MEAK7: variants seen among roughly 807,000 people sequenced by gnomAD.
MEAK7 encodes MTOR associated protein MEAK7, also known as MTOR-associated protein MEAK7.
In MEAK7, 68 loss-of-function variants were observed where a neutral mutation model predicts 40.5. The ratio of observed to expected loss-of-function variants is 1.68; its 90% CI spans 1.38 to 2.06. MEAK7 has a LOEUF of 2.06. Ranked by LOEUF, MEAK7 falls within the 30% of genes most tolerant of loss-of-function variation. The probability of loss-of-function intolerance (pLI) is 0.00; values close to 1 mark genes in which losing one functional copy is unlikely to be tolerated. For missense variants in MEAK7, 918 were observed against 580.5 expected (o/e 1.58, Z -5.98); for synonymous variants, 338 against 231.9 (o/e 1.46, Z -4.16).
chr16:84,492,885 A>T (rs1011312749), intron 3 of MEAK7, among the ~76,000 whole-genome samples: 7 of 152,216 alleles, frequency 4.6e-5, no homozygotes, highest in African/African-American at 1.7e-4. Flanking sequence ...CCCAGCCTAT[A>T]TCAAGTGTTT....
chr16:84,491,981 C>A (rs1014496375), intron 3 of MEAK7, among the ~76,000 whole-genome samples: 1 of 152,090 alleles, frequency 6.6e-6, no homozygotes, highest in Non-Finnish European at 1.5e-5. Context: ...CTAAAAGAGA[C>A]TTGAATCCTG....
chr16:84,489,220 G>T (rs943720302), intron 4 of MEAK7, 58 bp downstream of exon 4: 2 of 1,580,738 alleles, frequency 1.3e-6, no homozygotes, highest in Admixed American at 3.5e-5. Context: ...CAGTAATGGA[G>T]ACAGCAGGTA....
At chr16:84,492,581 ATTTAT>A (rs1913715002) in intron 3 of MEAK7, among the ~76,000 whole-genome samples, 2 of 150,504 alleles carry the variant, frequency 1.3e-5, no homozygotes, top group Admixed American at 6.6e-5. Flanking sequence ...TTATTTATTT[ATTTAT>A]TTATTTATTT....
rs568170871 is a variant in MEAK7 at position 84,476,824 on chromosome 16, T to C, written c.*3089A>G. On this transcript the variant is annotated 3_prime_UTR_variant, in exon 8 of 8. Transcript: ENST00000343629. ...TGCCTTTGCCTGTCAGGAGGGAAAA[T>C]AGCTGGAGAAGAGGCAGGAAGATGA... The C allele has an allele frequency of 6.6e-5, 10 of 152,202 alleles. No individual in the cohort carries two copies. Among genetic ancestry groups the C allele is most frequent in the Non-Finnish European group, 1.2e-4 (8 of 68,046 alleles). The allele number at this position is 152,202 out of a possible 1,614,324, so 9.4% of individuals were successfully genotyped here. A position where few individuals can be genotyped will look rare whatever the true frequency, so the allele number is the denominator to read the frequency against.
chr16:84,486,739 C>T lies in MEAK7; in HGVS notation c.850G>A (p.Gly284Ser). Residue 284 changes from glycine (G) to serine (S), a missense_variant, in exon 5 of 8, where the codon GGC (glycine) becomes AGC (serine). Transcript: ENST00000343629. The part of the protein sequence containing the change: ...LHGHSFSQLC[G>S]HITHRGPCVA... ...CAGGGTCCCCGGTGAGTGATGTGGC[C>T]ACAGAGCTGGGAGAAGCTGTGTCCA... 3 of 1,613,886 alleles carry T rather than the reference C, an allele frequency of 1.9e-6. No homozygotes were observed. Among genetic ancestry groups the T allele is most frequent in the Non-Finnish European group, 2.5e-6 (3 of 1,179,850 alleles).
intron 7 of MEAK7, 130 bp downstream of exon 7, chr16:84,480,399 T>C: frequency 8.8e-7 from 1 of 1,135,300 alleles, no homozygotes; most frequent in South Asian, 1.7e-5. Context: ...CAAGCCAGCA[T>C]CAGCTACCAG....
chr16:84,489,439 T>C lies in MEAK7; in HGVS notation c.385-17A>G. The C allele has an allele frequency of 6.3e-7, 1 of 1,596,562 alleles. No homozygotes were observed. Among genetic ancestry groups the C allele is most frequent in the East Asian group, 2.3e-5 (1 of 44,182 alleles). On this transcript the variant is annotated splice_polypyrimidine_tract_variant and intron_variant, in intron 3 of 7. Coordinates refer to ENST00000343629, the MANE Select transcript of MEAK7 (RefSeq NM_020947.4). Reference sequence around the variant, plus strand: ...CTCTGTAAACTGTAAGATCACAATTTTACCATTAAAAACAGTTCCACCATA... The same window carrying C: ...CTCTGTAAACTGTAAGATCACAATTCTACCATTAAAAACAGTTCCACCATA...
At position 84,479,808 on chromosome 16, in the gene MEAK7, G is replaced by T; in HGVS notation, c.*105C>A. The T allele has an allele frequency of 1.3e-6, 1 of 794,618 alleles. No homozygotes were observed. The highest frequency in any genetic ancestry group is 1.9e-6 in the Non-Finnish European group (1 of 525,754). The allele number at this position is 794,618 out of a possible 1,614,324, so 49.2% of individuals were successfully genotyped here. Reference sequence around the variant, plus strand: ...GGACTACCAGGCTGTGACCCGTGCGGTACGCTATTACAGTTAAACCATGTG... The same window carrying T: ...GGACTACCAGGCTGTGACCCGTGCGTTACGCTATTACAGTTAAACCATGTG... On this transcript the variant is annotated 3_prime_UTR_variant, in exon 8 of 8. Transcript: ENST00000343629.
At chr16:84,494,120 T>C (rs1567500702) in intron 3 of MEAK7, among the ~76,000 whole-genome samples, 1 of 152,228 alleles carries the variant, frequency 6.6e-6, no homozygotes, top group Non-Finnish European at 1.5e-5. Flanking sequence ...GCAAAGATAA[T>C]TCAAAGAGAG....
At chr16:84,487,349 C>A (rs894007425) in intron 4 of MEAK7, 38 of 361,242 alleles carry the variant, frequency 1.1e-4, no homozygotes, top group African/African-American at 7.2e-4. Context: ...TCTCTTTACT[C>A]TTTTAACATG....
At position 84,486,996 on chromosome 16, in the gene MEAK7, T is replaced by G. The variant is rs761068864; in HGVS notation, c.593A>C (p.Asp198Ala). ...CACATGGGGGACCCTGAACACCCAG[T>G]CCTCGATCACAGCTCGGTCACAGTC... ...DYDCDRAVIE[D>A]WVFRVPHVAI... The change falls in exon 5 of 8, where the codon GAC becomes GCC. Residue 198 changes from aspartate (D) to alanine (A), a missense_variant. Asp to Ala is a moderately radical substitution (Grantham distance 126, BLOSUM62 -2). Transcript: ENST00000343629. 6.2e-7 allele frequency: 1 copy of G among 1,614,072 alleles called. No homozygotes were observed. The highest frequency in any genetic ancestry group is 8.5e-7 in the Non-Finnish European group (1 of 1,180,014).
intron 6 of MEAK7, 138 bp downstream of exon 6, chr16:84,482,454 A>C (rs1014321120): frequency 1.4e-5 from 20 of 1,417,198 alleles, no homozygotes; most frequent in Admixed American, 2.0e-5. Flanking sequence ...CCCTGGAAAC[A>C]GAAGGAACTG....
intron 3 of MEAK7, 144 bp from the exon 4 acceptor site, chr16:84,489,566 A>G: frequency 2.0e-6 from 2 of 1,000,212 alleles, no homozygotes; most frequent in Non-Finnish European, 2.8e-6. Flanking sequence ...GTATGTAGTT[A>G]CTCGTTTTTC....
chr16:84,482,327 G>A (rs926286872), intron 6 of MEAK7, among the ~76,000 whole-genome samples: 1 of 152,188 alleles, frequency 6.6e-6, no homozygotes, highest in Non-Finnish European at 1.5e-5. Context: ...ATCATCTGAG[G>A]GCCAGAAAAA....
intron 5 of MEAK7, among the ~76,000 whole-genome samples, chr16:84,485,258 G>A (rs141280908): frequency 1.4e-4 from 22 of 152,300 alleles, no homozygotes; most frequent in Admixed American, 4.6e-4. Context: ...GATTTGGGGA[G>A]AATTCCCACC....
intron 1 of MEAK7, among the ~76,000 whole-genome samples, chr16:84,498,436 T>C (rs79619361): frequency 4.8e-5 from 6 of 123,996 alleles, no homozygotes; most frequent in Non-Finnish European, 7.8e-5. Flanking sequence ...GCCTGGCTAA[T>C]TTTTTTTTTT....
intron 6 of MEAK7, 127 bp from the exon 7 acceptor site, chr16:84,480,835 C>T: frequency 1.9e-6 from 2 of 1,029,896 alleles, no homozygotes; most frequent in Non-Finnish European, 1.4e-6. Context: ...TGGTGAATGC[C>T]ATCATCTTGT....
At chr16:84,501,974 G>C (rs987099620) in intron 1 of MEAK7, among the ~76,000 whole-genome samples, 1 of 152,138 alleles carries the variant, frequency 6.6e-6, no homozygotes, top group Non-Finnish European at 1.5e-5. Context: ...GAGAAACCCT[G>C]TCTCTACTAA....
At position 84,498,099 on chromosome 16, in the gene MEAK7, C is replaced by G. The variant is rs750537711; in HGVS notation, c.-13G>C. On this transcript the variant is annotated 5_prime_UTR_variant, in exon 2 of 8. Transcript: ENST00000343629. ...TGCTGTTCCCCATCTGTCCTGATAT[C>G]TGGCAGAATTCTCTGCAGAAGGAAA... The G allele has an allele frequency of 1.0e-5, 16 of 1,572,474 alleles. No homozygotes were observed. The highest frequency in any genetic ancestry group is 2.0e-5 in the Admixed American group (1 of 50,498).
Sources: gnomAD v4.1 joint callset for allele counts (sites outside exome capture counted in the v4.1 genomes callset) on GRCh38, gnomAD v4.1.1 for gene constraint, MANE v1.5 for transcripts, NCBI Gene and HGNC (gene_info 2026-07-23, HGNC 2026-07-21) for gene names.